TBC1D15: variants seen among roughly 807,000 people sequenced by gnomAD.
TBC1D15 encodes GAP for RAB7.
In TBC1D15, 39 loss-of-function variants were observed where a neutral mutation model predicts 95.4. That is an observed-to-expected ratio of 0.41 (90% CI 0.32 to 0.53). The LOEUF (loss-of-function observed/expected upper bound fraction) is 0.53. TBC1D15 is among the 20% of genes least tolerant of loss of function. The pLI is 0.29. For synonymous variants in TBC1D15, 258 were observed against 261.3 expected (o/e 0.99, Z 0.12); for missense variants, 733 against 794.3 (o/e 0.92, Z 0.93).
At chr12:71,900,687 C>T (rs1411578794) in intron 10 of TBC1D15, among the ~76,000 whole-genome samples, 1 of 152,044 alleles carries the variant, frequency 6.6e-6, no homozygotes, top group African/African-American at 2.4e-5. Context: ...AGTTTTCATT[C>T]CTGTGGAAGA....
At chr12:71,892,994 G>A (rs1216832688) in intron 5 of TBC1D15, among the ~76,000 whole-genome samples, 2 of 151,420 alleles carry the variant, frequency 1.3e-5, no homozygotes, top group Admixed American at 6.6e-5. Context: ...TTTTATTTAC[G>A]TTATATACAG....
chr12:71,846,785 A>G (rs1182626383), intron 1 of TBC1D15, among the ~76,000 whole-genome samples: 3 of 138,212 alleles, frequency 2.2e-5, no homozygotes, highest in African/African-American at 8.3e-5. Flanking sequence ...GCCCTGAGAC[A>G]TGGCCTTGGT....
At chr12:71,902,712 A>G (rs1369508272) in intron 10 of TBC1D15, among the ~76,000 whole-genome samples, 2 of 152,166 alleles carry the variant, frequency 1.3e-5, no homozygotes, top group Non-Finnish European at 2.9e-5. Flanking sequence ...TACAACCAAA[A>G]CAGAAATTGA....
chr12:71,856,352 A>AACGTT (rs1889068945), intron 1 of TBC1D15, among the ~76,000 whole-genome samples: 1 of 152,134 alleles, frequency 6.6e-6, no homozygotes, highest in African/African-American at 2.4e-5. Context: ...TCCCTAAGGT[A>AACGTT]ACAGTCATGA....
chr12:71,859,867 T>C (rs766815708), intron 1 of TBC1D15, among the ~76,000 whole-genome samples: 4 of 152,214 alleles, frequency 2.6e-5, no homozygotes, highest in South Asian at 2.1e-4. Context: ...TGACTTGGCC[T>C]CCCAAAGTGC....
intron 4 of TBC1D15, among the ~76,000 whole-genome samples, chr12:71,881,552 C>T (rs1895137198): frequency 1.3e-5 from 2 of 152,082 alleles, no homozygotes; most frequent in South Asian, 4.1e-4. Flanking sequence ...TTCTGTGTAG[C>T]TGTGTAGCTT....
chr12:71,865,477 C>G (rs776248211), intron 1 of TBC1D15, among the ~76,000 whole-genome samples: 5 of 152,126 alleles, frequency 3.3e-5, no homozygotes, highest in Admixed American at 6.5e-5. Context: ...GTAGTAGTGA[C>G]TCAAGACCTT....
At chr12:71,865,333 C>G (rs1013273376) in intron 1 of TBC1D15, among the ~76,000 whole-genome samples, 6 of 152,146 alleles carry the variant, frequency 3.9e-5, no homozygotes, top group African/African-American at 1.4e-4. Context: ...GGGCAGGGCA[C>G]AACACTGGCC....
rs75390605 is a variant in TBC1D15 at position 71,920,916 on chromosome 12, G to T, written c.1716+69G>T. The T allele has an allele frequency of 3.6e-5, 39 of 1,088,742 alleles. No individual in the cohort carries two copies. The African/African-American group carries it at 5.6e-4, about 16-fold the overall frequency. The allele number at this position is 1,088,742 out of a possible 1,614,324, so 67.4% of individuals were successfully genotyped here. On this transcript the variant is annotated intron_variant, in intron 15 of 16. Transcript: ENST00000485960. ...ATTTGGTGGTCCTGATATACAGAAC[G>T]TTTCCTTGGAACATTATTAAATCTC...
At chr12:71,842,706 C>T (rs982488410) in intron 1 of TBC1D15, among the ~76,000 whole-genome samples, 14 of 151,668 alleles carry the variant, frequency 9.2e-5, no homozygotes, top group African/African-American at 3.1e-4. Context: ...TGACATGTGC[C>T]TGTTGTCCCA....
At chr12:71,867,543 C>T (rs1891751114) in intron 1 of TBC1D15, among the ~76,000 whole-genome samples, 2 of 152,188 alleles carry the variant, frequency 1.3e-5, no homozygotes, top group South Asian at 2.1e-4. Flanking sequence ...ATCCCTTATT[C>T]AAAACTGGGG....
chr12:71,896,887 A>G (rs1206722598), intron 9 of TBC1D15, 107 bp downstream of exon 9: 3 of 676,888 alleles, frequency 4.4e-6, no homozygotes, highest in Non-Finnish European at 7.0e-6. Flanking sequence ...GGGGAATGGA[A>G]AAACAACTTC....
intron 5 of TBC1D15, among the ~76,000 whole-genome samples, chr12:71,888,943 C>A (rs1473852128): frequency 6.8e-6 from 1 of 147,660 alleles, no homozygotes; most frequent in Non-Finnish European, 1.5e-5. Flanking sequence ...AAGCAGTAAT[C>A]AAAAAAGACA....
Position 71,872,061 on chromosome 12 carries a change from C to A in TBC1D15, c.31-9C>A. On this transcript the variant is annotated splice_polypyrimidine_tract_variant and intron_variant, in intron 1 of 16. Transcript: ENST00000485960. ...AATTATGTGACTAACTTTATTTTTG[C>A]TGTTTTAGATTATATATGAACAAGA... 3 of 1,311,754 alleles carry A rather than the reference C, an allele frequency of 2.3e-6. No homozygotes were observed. The highest frequency in any genetic ancestry group is 3.1e-6 in the Non-Finnish European group (3 of 975,284). 81.3% of individuals were successfully genotyped at this position (1,311,754 alleles called of 1,614,324 possible). A position where few individuals can be genotyped will look rare whatever the true frequency, so the allele number is the denominator to read the frequency against.
intron 16 of TBC1D15, among the ~76,000 whole-genome samples, chr12:71,922,674 G>C (rs1432511675): frequency 6.6e-6 from 1 of 152,168 alleles, no homozygotes; most frequent in Non-Finnish European, 1.5e-5. Flanking sequence ...GATGATCTAA[G>C]AAAGATATTA....
chr12:71,896,156 G>GC, intron 8 of TBC1D15, 81 bp downstream of exon 8: 1 of 1,215,558 alleles, frequency 8.2e-7, no homozygotes, highest in Non-Finnish European at 1.1e-6. Context: ...CTGTTTTGGT[G>GC]TGTTTTTTTT....
intron 13 of TBC1D15, among the ~76,000 whole-genome samples, chr12:71,918,185 C>T (rs964732248): frequency 6.6e-6 from 1 of 152,152 alleles, no homozygotes; most frequent in Non-Finnish European, 1.5e-5. Flanking sequence ...CATATATACT[C>T]TATTGCACTT....
intron 1 of TBC1D15, chr12:71,861,471 G>A (rs1592713634): frequency 6.5e-7 from 1 of 1,536,040 alleles, no homozygotes; most frequent in Non-Finnish European, 8.8e-7. Flanking sequence ...CCATACTCCA[G>A]TTTGTTGGAG....
At chr12:71,871,937 T>C (rs890476723) in intron 1 of TBC1D15, 133 bp from the exon 2 acceptor site, 1 of 406,276 alleles carries the variant, frequency 2.5e-6, no homozygotes. Context: ...GGTATTTTTT[T>C]AAATAATACA....
Sources: allele counts gnomAD v4.1 joint callset (sites outside exome capture counted in the v4.1 genomes callset), GRCh38; gene constraint gnomAD v4.1.1; transcripts MANE v1.5; gene names NCBI Gene and HGNC (gene_info 2026-07-23, HGNC 2026-07-21).